CRMP1: variants seen among roughly 807,000 people sequenced by gnomAD.
CRMP1 encodes dihydropyrimidinase-related protein 1.
CRMP1 carries 19 observed loss-of-function variants against 68.3 expected under a neutral mutation model. The observed-to-expected ratio is 0.28, with a 90% CI of 0.19 to 0.41. The LOEUF is 0.41. CRMP1 is among the 10% of genes least tolerant of loss of function. The pLI, the probability that CRMP1 is intolerant of heterozygous loss-of-function variation, is 1.00. For synonymous variants in CRMP1, 439 were observed against 399.6 expected, an observed-to-expected ratio of 1.10 and a Z score of -1.18; for missense variants, 791 against 967.4, an observed-to-expected ratio of 0.82 and a Z score of 2.42.
chr4:5,839,899 C>T (rs1039836258), intron 8 of CRMP1, among the ~76,000 whole-genome samples: 2 of 152,222 alleles, frequency 1.3e-5, no homozygotes, highest in African/African-American at 2.4e-5. Flanking sequence ...CTCCATGGGG[C>T]GTACGGCAGC....
In CRMP1 at chr4:5,877,731, T is replaced by A. The variant is rs892009913; in HGVS notation, c.382-10975A>T. Among the ~76,000 whole-genome samples, 1 of 152,108 alleles carries A rather than the reference T, an allele frequency of 6.6e-6. No homozygotes were observed. Among genetic ancestry groups the A allele is most frequent in the South Asian group, 2.1e-4 (1 of 4,812 alleles). On this transcript the variant is annotated intron_variant, in intron 1 of 13. Transcript: ENST00000324989. This position sits in a 1 kb window ranked among gnomAD's most constrained non-coding sequence, Gnocchi z 4.3. ...AGGTAGTCCCCATGGACTGCAGGAC[T>A]TTTTTTCCCCCCGATATTATGCCTG...
intron 2 of CRMP1, among the ~76,000 whole-genome samples, chr4:5,862,130 A>G (rs760526676): frequency 1.4e-4 from 21 of 152,152 alleles, no homozygotes; most frequent in Non-Finnish European, 2.2e-4. Context: ...AGGACCGCAT[A>G]GTGCCAGGGA....
At chr4:5,869,703 AAAAAG>A (rs1470914784) in intron 1 of CRMP1, among the ~76,000 whole-genome samples, 1 of 149,224 alleles carries the variant, frequency 6.7e-6, no homozygotes, top group Non-Finnish European at 1.5e-5. Context: ...AAAAAAAAAG[AAAAAG>A]AAAAGAAGTA....
chr4:5,884,482 G>GCACACACA (rs59746322), intron 1 of CRMP1, among the ~76,000 whole-genome samples: 42 of 149,920 alleles, frequency 2.8e-4, no homozygotes, highest in South Asian at 8.5e-4. Context: ...AACTATGCAT[G>GCACACACA]CACACACACA....
chr4:5,862,766 C>G (rs1015147338), intron 2 of CRMP1, among the ~76,000 whole-genome samples: 1 of 152,148 alleles, frequency 6.6e-6, no homozygotes, highest in South Asian at 2.1e-4. Flanking sequence ...AGCCTGTGAC[C>G]GAGTCACCAT....
rs963285886 is a variant in CRMP1 at position 5,877,455 on chromosome 4, C to G, written c.382-10699G>C. Among the ~76,000 whole-genome samples, 6 of 152,194 alleles carry G rather than the reference C, an allele frequency of 3.9e-5. No individual in the cohort carries two copies. The highest frequency in any genetic ancestry group is 1.4e-4 in the African/African-American group (6 of 41,448). ...TTGAGCAAGCTCCCCACTCTGGCCT[C>G]CTTGCAACGGCAAGTGCTGCCATCC... On this transcript the variant is annotated intron_variant, in intron 1 of 13. Coordinates refer to ENST00000324989, the MANE Select transcript of CRMP1 (RefSeq NM_001014809.3). The surrounding 1 kb of genome is among the most constrained non-coding windows in gnomAD (Gnocchi z 4.3).
Position 5,825,313 on chromosome 4 carries a change from T to C in CRMP1, c.1969+181A>G, listed in dbSNP as rs1191982984. On this transcript the variant is annotated intron_variant, in intron 13 of 13. Transcript: ENST00000324989. This position sits in a 1 kb window ranked among gnomAD's most constrained non-coding sequence, Gnocchi z 4.4. Reference sequence around the variant, plus strand: ...CCCCCTAACATGGACCCCCCTCTGCTTGGTGACCATGCCAGCCCACTCTGC... The same window carrying C: ...CCCCCTAACATGGACCCCCCTCTGCCTGGTGACCATGCCAGCCCACTCTGC... 1.0e-6 allele frequency: 1 copy of C among 985,160 alleles called. No homozygotes were observed. Among genetic ancestry groups the C allele is most frequent in the East Asian group, 1.1e-4 (1 of 8,796 alleles). The allele number at this position is 985,160 out of a possible 1,614,324, so 61.0% of individuals were successfully genotyped here.
rs1166606275 is a variant in CRMP1 at position 5,859,379 on chromosome 4, C to A, written c.655+1647G>T. On this transcript the variant is annotated intron_variant, in intron 3 of 13. Coordinates refer to ENST00000324989, the MANE Select transcript of CRMP1 (RefSeq NM_001014809.3). The surrounding 1 kb of genome is among the most constrained non-coding windows in gnomAD (Gnocchi z 5.2). ...TCTCACAGCTGGTAATGGAGAAAAGCAGGGGACATCCCAGGAACCCTGGCT... is the reference window on the plus strand; with the variant it reads ...TCTCACAGCTGGTAATGGAGAAAAGAAGGGGACATCCCAGGAACCCTGGCT... Among the ~76,000 whole-genome samples the A allele has an allele frequency of 6.6e-6, 1 of 152,204 alleles. No individual in the cohort carries two copies. Among genetic ancestry groups the A allele is most frequent in the Non-Finnish European group, 1.5e-5 (1 of 68,038 alleles).
In CRMP1 at chr4:5,821,802, C is replaced by G. The variant is rs1049251921; in HGVS notation, c.2019G>C (p.Val673=). 6 of 1,611,686 alleles carry G rather than the reference C, an allele frequency of 3.7e-6. No homozygotes were observed. Among genetic ancestry groups the G allele is most frequent in the South Asian group, 1.1e-5 (1 of 90,518 alleles). The part of the protein sequence containing the change: ...NNPRRTGHRI[V]APPGGRSNIT... ...TGTTGGAGCGGCCACCAGGGGGCGC[C>G]ACGATGCGGTGGCCGGTGCGCCTGG... The change falls in exon 14 of 14, where the codon GTG becomes GTC. Residue 673 remains valine (V), a synonymous_variant. Coordinates refer to ENST00000324989, the MANE Select transcript of CRMP1 (RefSeq NM_001014809.3). The surrounding 1 kb of genome is among the most constrained non-coding windows in gnomAD (Gnocchi z 4.4).
At chr4:5,840,153 C>A (rs1198255594) in intron 8 of CRMP1, among the ~76,000 whole-genome samples, 1 of 152,150 alleles carries the variant, frequency 6.6e-6, no homozygotes, top group Non-Finnish European at 1.5e-5. Context: ...AGGGAGATTT[C>A]TCATCGAGGC....
At chr4:5,884,590 C>G (rs906042654) in intron 1 of CRMP1, among the ~76,000 whole-genome samples, 1 of 152,060 alleles carries the variant, frequency 6.6e-6, no homozygotes, top group Admixed American at 6.6e-5. Context: ...AGAACCTTTA[C>G]AAGCCTCTGA....
chr4:5,826,137 C>CCCA lies in CRMP1; in HGVS notation c.1804-479_1804-478insTGG. On this transcript the variant is annotated intron_variant, in intron 12 of 13. Coordinates refer to ENST00000324989, the MANE Select transcript of CRMP1 (RefSeq NM_001014809.3). ...ATATATACACTTACACACACGCATA[C>CCCA]TCATACACACAAAGCTTCATGCAGG... 2 of 165,846 alleles carry CCCA rather than the reference C, an allele frequency of 1.2e-5. 1 individual carries two copies. The highest frequency in any genetic ancestry group is 2.6e-5 in the Non-Finnish European group (2 of 77,544). 10.3% of individuals were successfully genotyped at this position (165,846 alleles called of 1,614,324 possible).
rs529718403 is a variant in CRMP1 at position 5,892,226 on chromosome 4, C to A, written c.381+363G>T. 4.6e-5 allele frequency among the ~76,000 whole-genome samples: 7 copies of A among 152,304 alleles called. No individual in the cohort carries two copies. Among genetic ancestry groups the A allele is most frequent in the African/African-American group, 1.7e-4 (7 of 41,576 alleles). ...CGGAGCTCCAGTTCTTTTCACAAAACAGAATGAGGGGCCTGGGTTAGATTC... is the reference window on the plus strand; with the variant it reads ...CGGAGCTCCAGTTCTTTTCACAAAAAAGAATGAGGGGCCTGGGTTAGATTC... On this transcript the variant is annotated intron_variant, in intron 1 of 13. Coordinates refer to ENST00000324989, the MANE Select transcript of CRMP1 (RefSeq NM_001014809.3). The surrounding 1 kb of genome is among the most constrained non-coding windows in gnomAD (Gnocchi z 8.6).
chr4:5,877,614 G>A lies in CRMP1; in HGVS notation c.382-10858C>T, dbSNP rs563891418. On this transcript the variant is annotated intron_variant, in intron 1 of 13. Coordinates refer to ENST00000324989, the MANE Select transcript of CRMP1 (RefSeq NM_001014809.3). The surrounding 1 kb of genome is among the most constrained non-coding windows in gnomAD (Gnocchi z 4.3). ...GAATGCAACCCACGAAGTGGCAACC[G>A]GTATGAGCCTGAATCTAATTAACAC... Among the ~76,000 whole-genome samples the A allele has an allele frequency of 2.4e-3, 364 of 152,308 alleles. 1 individual carries two copies. The highest frequency in any genetic ancestry group is 8.2e-3 in the African/African-American group (339 of 41,572).
intron 1 of CRMP1, among the ~76,000 whole-genome samples, chr4:5,869,799 G>A (rs759529120): frequency 1.4e-4 from 21 of 152,146 alleles, no homozygotes; most frequent in African/African-American, 4.1e-4. Context: ...TGGTACATCT[G>A]GGAGGTGGTT....
chr4:5,856,314 CAG>C lies in CRMP1; in HGVS notation c.656-9_656-8del. 6.2e-7 allele frequency: 1 copy of C among 1,612,960 alleles called. No homozygotes were observed. The highest frequency in any genetic ancestry group is 8.5e-7 in the Non-Finnish European group (1 of 1,179,472). ...TCAGGAACAACATGGTCAACTGGGA[CAG>C]AGAAATATGCATCATGATGCTTCAG... On this transcript the variant is annotated splice_region_variant and splice_polypyrimidine_tract_variant and intron_variant, in intron 3 of 13. Transcript: ENST00000324989.
Position 5,883,508 on chromosome 4 carries a change from C to A in CRMP1, c.381+9081G>T, listed in dbSNP as rs1715362976. Among the ~76,000 whole-genome samples, 1 of 152,116 alleles carries A rather than the reference C, an allele frequency of 6.6e-6. No individual in the cohort carries two copies. The highest frequency in any genetic ancestry group is 2.4e-5 in the African/African-American group (1 of 41,408). On this transcript the variant is annotated intron_variant, in intron 1 of 13. Transcript: ENST00000324989. This position sits in a 1 kb window ranked among gnomAD's most constrained non-coding sequence, Gnocchi z 4.5. Reference sequence around the variant, plus strand: ...TAGAGACAGGGTTTCACCATGTTGGCCAGGCTGGTCTCAAACTCTTGACCT... The same window carrying A: ...TAGAGACAGGGTTTCACCATGTTGGACAGGCTGGTCTCAAACTCTTGACCT...
Position 5,832,049 on chromosome 4 carries a change from T to C in CRMP1, c.1624-3381A>G, listed in dbSNP as rs558188545. On this transcript the variant is annotated intron_variant, in intron 11 of 13. Coordinates refer to ENST00000324989, the MANE Select transcript of CRMP1 (RefSeq NM_001014809.3). ...ATAGCACGGATGATCCTCAAAAATA[T>C]GATGCTAAGTAGAAGCCAGACATAA... Among the ~76,000 whole-genome samples the C allele has an allele frequency of 1.7e-4, 26 of 152,340 alleles. No homozygotes were observed. In the South Asian group the frequency reaches 5.4e-3, roughly 32 times the overall value.
intron 1 of CRMP1, among the ~76,000 whole-genome samples, chr4:5,873,433 T>C (rs1484518542): frequency 6.6e-6 from 1 of 151,716 alleles, no homozygotes; most frequent in African/African-American, 2.4e-5. Context: ...TTCTGCAGGC[T>C]GTACAGGAAG....
Sources: gnomAD v4.1 joint callset for allele counts (sites outside exome capture counted in the v4.1 genomes callset) on GRCh38, gnomAD v4.1.1 for gene constraint, Gnocchi (gnomAD v3.1) non-coding constraint, MANE v1.5 for transcripts, NCBI Gene and HGNC (gene_info 2026-07-23, HGNC 2026-07-21) for gene names.